The following GAB2 variants were observed in gnomAD, a reference collection of about 807,000 sequenced individuals.
GAB2 encodes the protein GRB2-associated-binding protein 2.
Under a neutral mutation model 65.5 loss-of-function variants are expected in GAB2, and 26 were observed. That is an observed-to-expected ratio of 0.40 (90% CI 0.29 to 0.55). The LOEUF is 0.55. Among genes scored for constraint, GAB2 ranks in the 20% least tolerant of loss-of-function variants. GAB2 has a pLI of 0.53. For missense variants in GAB2, 884 were observed against 875.8 expected, an observed-to-expected ratio of 1.01 and a Z score of -0.12; for synonymous variants, 321 against 329.6, an observed-to-expected ratio of 0.97 and a Z score of 0.28.
At chr11:78,347,684 A>G (rs1856212428) in intron 1 of GAB2, among the ~76,000 whole-genome samples, 1 of 152,244 alleles carries the variant, frequency 6.6e-6, no homozygotes, top group African/African-American at 2.4e-5. Context: ...ATCTCCTACA[A>G]GAAAACATAG....
intron 1 of GAB2, among the ~76,000 whole-genome samples, chr11:78,302,677 G>C (rs1207888784): frequency 6.6e-6 from 1 of 152,146 alleles, no homozygotes; most frequent in Non-Finnish European, 1.5e-5. Context: ...CCACTACTGG[G>C]TATCTACCCA....
rs913985386 is a variant in GAB2 at position 78,215,930 on chromosome 11, A to G, written c.*3342T>C. The G allele has an allele frequency of 5.2e-5, 8 of 152,722 alleles. No homozygotes were observed. Among genetic ancestry groups the G allele is most frequent in the African/African-American group, 1.9e-4 (8 of 41,468 alleles). 9.5% of individuals were successfully genotyped at this position (152,722 alleles called of 1,614,324 possible). A position where few individuals can be genotyped will look rare whatever the true frequency, so the allele number is the denominator to read the frequency against. On this transcript the variant is annotated 3_prime_UTR_variant, in exon 10 of 10. Transcript: ENST00000361507. ...GCCAGAGGGAGGATGAGCTGAGCCCATGCTCCAGTAACTTCAGAATGGTTG... is the reference window on the plus strand; with the variant it reads ...GCCAGAGGGAGGATGAGCTGAGCCCGTGCTCCAGTAACTTCAGAATGGTTG...
intron 1 of GAB2, among the ~76,000 whole-genome samples, chr11:78,316,127 C>G (rs1288675214): frequency 3.9e-5 from 6 of 152,102 alleles, no homozygotes; most frequent in African/African-American, 1.4e-4. Flanking sequence ...CTGGGACTTG[C>G]ACGGGGGGCC....
intron 1 of GAB2, among the ~76,000 whole-genome samples, chr11:78,391,843 G>C (rs769440947): frequency 6.6e-6 from 1 of 152,172 alleles, no homozygotes; most frequent in Non-Finnish European, 1.5e-5. Flanking sequence ...TTACCTTATG[G>C]CATTAACTTT....
intron 1 of GAB2, among the ~76,000 whole-genome samples, chr11:78,332,822 G>A (rs1356527612): frequency 6.6e-6 from 1 of 152,206 alleles, no homozygotes; most frequent in Non-Finnish European, 1.5e-5. Flanking sequence ...GTGCTTAGAG[G>A]AAGAAGCAGG....
chr11:78,272,807 G>T (rs953978783), intron 2 of GAB2, among the ~76,000 whole-genome samples: 2 of 152,240 alleles, frequency 1.3e-5, no homozygotes, highest in African/African-American at 4.8e-5. Flanking sequence ...AAGCCCAGAG[G>T]CCTAGGAGGA....
chr11:78,238,820 A>G (rs2134500711), intron 3 of GAB2, among the ~76,000 whole-genome samples: 1 of 152,320 alleles, frequency 6.6e-6, no homozygotes, highest in South Asian at 2.1e-4. Flanking sequence ...GTTTCAAAGA[A>G]CATATCAGCA....
chr11:78,249,010 T>C (rs1417033962), intron 3 of GAB2, among the ~76,000 whole-genome samples: 2 of 152,244 alleles, frequency 1.3e-5, no homozygotes, highest in Non-Finnish European at 1.5e-5. Context: ...AAATGAATCA[T>C]GTTCTTCATG....
Position 78,280,861 on chromosome 11 carries a change from A to G in GAB2, c.116T>C (p.Met39Thr). The change falls in exon 2 of 10, where the codon ATG becomes ACG. Residue 39 changes from methionine (M) to threonine (T), a missense_variant. By Grantham distance (81) the Met-to-Thr change is moderately conservative. Transcript: ENST00000361507. ...KRWFILRSGR[M>T]SGDPDVLEYY... ...TTCCAGAACATCTGGGTCACCGCTC[A>G]TCCGGCCACTCCGCAGGATAAACCA... The G allele has an allele frequency of 6.2e-7, 1 of 1,614,166 alleles. No individual in the cohort carries two copies. Among genetic ancestry groups the G allele is most frequent in the Non-Finnish European group, 8.5e-7 (1 of 1,179,988 alleles).
At chr11:78,393,572 T>C (rs1856859591) in intron 1 of GAB2, among the ~76,000 whole-genome samples, 1 of 152,236 alleles carries the variant, frequency 6.6e-6, no homozygotes. Flanking sequence ...TTTGGTATGA[T>C]GCATCAAAAA....
At chr11:78,412,784 T>C (rs528291206) in intron 1 of GAB2, among the ~76,000 whole-genome samples, 3 of 152,328 alleles carry the variant, frequency 2.0e-5, no homozygotes, top group Admixed American at 6.5e-5. Context: ...TTTGGGTAAG[T>C]TGCTTCCCTT....
intron 2 of GAB2, among the ~76,000 whole-genome samples, chr11:78,277,410 C>T (rs897911102): frequency 2.0e-5 from 3 of 152,132 alleles, no homozygotes; most frequent in African/African-American, 4.8e-5. Context: ...GAGAGTCAGG[C>T]GGTTAAACTC....
chr11:78,258,924 GTAAA>G (rs1385886128), intron 2 of GAB2, among the ~76,000 whole-genome samples: 1 of 152,030 alleles, frequency 6.6e-6, no homozygotes, highest in Non-Finnish European at 1.5e-5. Context: ...TGTTATGTAG[GTAAA>G]CTTGTGTCAT....
At chr11:78,392,487 T>C (rs1315277084) in intron 1 of GAB2, 10 of 152,262 alleles carry the variant, frequency 6.6e-5, no homozygotes, top group Admixed American at 5.9e-4. Context: ...ATTCCTATGA[T>C]GCCATTCCAA....
chr11:78,250,020 A>G (rs1865403138), intron 3 of GAB2, 137 bp downstream of exon 3: 3 of 923,944 alleles, frequency 3.2e-6, no homozygotes, highest in Middle Eastern at 3.5e-4. Flanking sequence ...GAAGCAAAAA[A>G]TTATGTTTTG....
intron 1 of GAB2, among the ~76,000 whole-genome samples, chr11:78,414,872 G>A (rs1857174453): frequency 6.6e-6 from 1 of 152,078 alleles, no homozygotes; most frequent in South Asian, 2.1e-4. Context: ...AATTAAGTAA[G>A]TTTTTTTGTT....
chr11:78,327,680 C>T, intron 1 of GAB2, among the ~76,000 whole-genome samples: 1 of 152,098 alleles, frequency 6.6e-6, no homozygotes, highest in East Asian at 1.9e-4. Context: ...ATGGTTTGAA[C>T]TTTGCCTTGA....
At chr11:78,304,937 G>C (rs539605610) in intron 1 of GAB2, among the ~76,000 whole-genome samples, 1 of 152,248 alleles carries the variant, frequency 6.6e-6, no homozygotes, top group East Asian at 1.9e-4. Flanking sequence ...GATATTCCCT[G>C]TGAAAATCCT....
At chr11:78,264,464 G>T (rs920475777) in intron 2 of GAB2, among the ~76,000 whole-genome samples, 1 of 151,544 alleles carries the variant, frequency 6.6e-6, no homozygotes, top group East Asian at 1.9e-4. Flanking sequence ...GCAGTGGCAC[G>T]ATCTCAGCTC....
Sources: allele counts gnomAD v4.1 joint callset (sites outside exome capture counted in the v4.1 genomes callset), GRCh38; gene constraint gnomAD v4.1.1; transcripts MANE v1.5; gene names NCBI Gene and HGNC (gene_info 2026-07-23, HGNC 2026-07-21).